The following DOCK8 variants were observed in gnomAD, a reference collection of about 807,000 sequenced individuals.
DOCK8 encodes dedicator of cytokinesis 8.
A neutral mutation model predicts 245.6 loss-of-function variants in DOCK8; 141 were observed. That is an observed-to-expected ratio of 0.57 (90% CI 0.50 to 0.66). DOCK8 has a LOEUF of 0.66. Ranked by LOEUF, DOCK8 falls within the 30% of genes least tolerant of loss-of-function variation. DOCK8 has a pLI of 0.00. For synonymous variants in DOCK8, 1,168 were observed against 970.2 expected, an observed-to-expected ratio of 1.20 and a Z score of -3.79; for missense variants, 2,965 against 2,603.4, an observed-to-expected ratio of 1.14 and a Z score of -3.02.
chr9:399,663 G>A lies in DOCK8; in HGVS notation c.3234+404G>A, dbSNP rs566935931. ...AATTAAATTGCTGTTGTGATGCTCC[G>A]ACTTGAAAGAACCTTTTTAAAGTGT... On this transcript the variant is annotated intron_variant, in intron 26 of 47. Transcript: ENST00000432829. 2.1e-3 allele frequency among the ~76,000 whole-genome samples: 326 copies of A among 151,904 alleles called. 4 individuals are homozygous for A. The highest frequency in any genetic ancestry group is 1.5e-3 in the Non-Finnish European group (103 of 67,984).
Position 403,911 on chromosome 9 carries a change from T to C in DOCK8, c.3235-1007T>C, listed in dbSNP as rs1408567251. Among the ~76,000 whole-genome samples, 220 of 85,894 alleles carry C rather than the reference T, an allele frequency of 2.6e-3. 3 individuals carry two copies. Among genetic ancestry groups the C allele is most frequent in the Non-Finnish European group, 3.4e-3 (173 of 50,986 alleles). 56.3% of individuals were successfully genotyped at this position (85,894 alleles called of 152,430 possible). A position where few individuals can be genotyped will look rare whatever the true frequency, so the allele number is the denominator to read the frequency against. On this transcript the variant is annotated intron_variant, in intron 26 of 47. Coordinates refer to ENST00000432829, the MANE Select transcript of DOCK8 (RefSeq NM_203447.4). ...CTCTCTCTATATATATATATATATA[T>C]ATATACATATATATATATGTGTATA...
intron 14 of DOCK8, among the ~76,000 whole-genome samples, chr9:352,142 C>T (rs895052522): frequency 6.6e-6 from 1 of 152,130 alleles, no homozygotes; most frequent in Non-Finnish European, 1.5e-5. Context: ...GTGCGGGTAG[C>T]TGCTGACACA....
chr9:340,695 C>T lies in DOCK8; in HGVS notation c.1679+374C>T, dbSNP rs186940481. The T allele has an allele frequency of 1.7e-4, 34 of 199,994 alleles. 1 individual carries two copies. Among genetic ancestry groups the T allele is most frequent in the Middle Eastern group, 2.1e-3 (1 of 472 alleles). The allele number at this position is 199,994 out of a possible 1,614,324, so 12.4% of individuals were successfully genotyped here. A position where few individuals can be genotyped will look rare whatever the true frequency, so the allele number is the denominator to read the frequency against. On this transcript the variant is annotated intron_variant, in intron 14 of 47. Transcript: ENST00000432829. ...CACATTCTGAGTTTTATTTGAATAA[C>T]GTTTTCTCATCCTTCAACCTGTCTT...
chr9:418,245 T>A, intron 30 of DOCK8, 38 bp downstream of exon 30: 1 of 1,612,562 alleles, frequency 6.2e-7, no homozygotes, highest in Non-Finnish European at 8.5e-7. Context: ...ATTTTTCATT[T>A]CATGTCTTCT....
chr9:337,785 G>A (rs1458369774), intron 12 of DOCK8, among the ~76,000 whole-genome samples: 2 of 152,052 alleles, frequency 1.3e-5, no homozygotes, highest in African/African-American at 2.4e-5. Context: ...GATTTTTTTT[G>A]CAAGACAAAA....
chr9:368,373 G>T (rs973511930), intron 15 of DOCK8: 4 of 696,492 alleles, frequency 5.7e-6, no homozygotes, highest in African/African-American at 3.5e-5. Context: ...CATTTTAGAG[G>T]ATTAAAAAAA....
At chr9:231,507 A>G (rs2047116900) in intron 1 of DOCK8, among the ~76,000 whole-genome samples, 1 of 152,040 alleles carries the variant, frequency 6.6e-6, no homozygotes, top group African/African-American at 2.4e-5. Context: ...GGCCATTTTC[A>G]CGATATTGAT....
chr9:307,505 T>TG (rs1385887630), intron 5 of DOCK8, among the ~76,000 whole-genome samples: 1 of 151,806 alleles, frequency 6.6e-6, no homozygotes, highest in Non-Finnish European at 1.5e-5. Context: ...ATTACAGACA[T>TG]GCGCCACCAC....
intron 30 of DOCK8, among the ~76,000 whole-genome samples, chr9:418,499 C>T (rs970788372): frequency 1.3e-5 from 2 of 152,192 alleles, no homozygotes. Flanking sequence ...AACTCCCAAC[C>T]TCAGATGGTA....
intron 1 of DOCK8, among the ~76,000 whole-genome samples, chr9:270,271 C>G (rs1422183102): frequency 4.6e-5 from 7 of 152,250 alleles, no homozygotes; most frequent in East Asian, 1.9e-4. Flanking sequence ...CTTGCCTCAT[C>G]ATGTAACGGG....
At position 411,738 on chromosome 9, in the gene DOCK8, A is replaced by G. The variant is rs147768420; in HGVS notation, c.3531-3044A>G. Among the ~76,000 whole-genome samples the G allele has an allele frequency of 2.3e-3, 352 of 152,304 alleles. 3 individuals are homozygous for G. Among genetic ancestry groups the G allele is most frequent in the Middle Eastern group, 0.01 (3 of 294 alleles). ...CAACAGCATATAAAAAGGATTATAC[A>G]CCATGGCTAAGTAGGATTTATCTCA... On this transcript the variant is annotated intron_variant, in intron 28 of 47. Transcript: ENST00000432829.
intron 21 of DOCK8, chr9:381,021 AG>A (rs1471466996): frequency 1.3e-5 from 2 of 152,604 alleles, no homozygotes; most frequent in Non-Finnish European, 2.9e-5. Context: ...GGATCATTTA[AG>A]CCCAGGAGTT....
intron 26 of DOCK8, among the ~76,000 whole-genome samples, chr9:400,451 G>C (rs62643759): frequency 0.043 from 43 of 994 alleles, no homozygotes; most frequent in South Asian, 0.17. Flanking sequence ...ACCACCACCA[G>C]CATCTTCACC....
At chr9:276,752 G>C (rs1470522217) in intron 2 of DOCK8, among the ~76,000 whole-genome samples, 1 of 152,160 alleles carries the variant, frequency 6.6e-6, no homozygotes, top group African/African-American at 2.4e-5. Context: ...AGGCAAACAA[G>C]TCTATAATCA....
intron 2 of DOCK8, among the ~76,000 whole-genome samples, chr9:276,476 T>A (rs2048351918): frequency 6.6e-6 from 1 of 152,248 alleles, no homozygotes; most frequent in Non-Finnish European, 1.5e-5. Context: ...TATAAACATT[T>A]TCTAAGTAGA....
intron 45 of DOCK8, among the ~76,000 whole-genome samples, chr9:450,485 G>T (rs2057392673): frequency 6.6e-6 from 1 of 152,188 alleles, no homozygotes; most frequent in African/African-American, 2.4e-5. Context: ...CCCAAGTTCA[G>T]CATGGTGCTC....
At chr9:410,886 C>T (rs2055690223) in intron 28 of DOCK8, among the ~76,000 whole-genome samples, 1 of 152,066 alleles carries the variant, frequency 6.6e-6, no homozygotes, top group African/African-American at 2.4e-5. Flanking sequence ...AAAGATTCAA[C>T]ACAATCATAT....
chr9:401,087 T>A (rs1177761369), intron 26 of DOCK8, among the ~76,000 whole-genome samples: 1 of 108,958 alleles, frequency 9.2e-6, no homozygotes, highest in African/African-American at 1.1e-4. Flanking sequence ...CACCACCACC[T>A]CCACCACCAT....
Position 336,606 on chromosome 9 carries a change from G to C in DOCK8, c.1310G>C (p.Arg437Thr). ...VVGRSSVGER[R>T]TLAQSRRLSE... is the part of the protein sequence containing the mutation. ...GGGAGAAGCTCAGTGGGTGAACGGA[G>C]GACATTGGCCCAATCTAGAAGGCTT... The change falls in exon 12 of 48, where the codon AGG becomes ACG. Residue 437 changes from arginine to threonine, a missense_variant. Coordinates refer to ENST00000432829, the MANE Select transcript of DOCK8 (RefSeq NM_203447.4). 6.2e-7 allele frequency: 1 copy of C among 1,614,186 alleles called. No homozygotes were observed. The highest frequency in any genetic ancestry group is 8.5e-7 in the Non-Finnish European group (1 of 1,180,008).
Sources: gnomAD v4.1 joint callset for allele counts (sites outside exome capture counted in the v4.1 genomes callset) on GRCh38, gnomAD v4.1.1 for gene constraint, MANE v1.5 for transcripts, NCBI Gene and HGNC (gene_info 2026-07-23, HGNC 2026-07-21) for gene names.